The following GPRC6A variants were observed in gnomAD, a reference collection of about 807,000 sequenced individuals.
The protein encoded by GPRC6A is G protein-coupled receptor family C group 6 member A.
A neutral mutation model predicts 47.0 loss-of-function variants in GPRC6A; 54 were observed. The ratio of observed to expected loss-of-function variants is 1.15; its 90% CI spans 0.92 to 1.44. The LOEUF (loss-of-function observed/expected upper bound fraction) is 1.44. Ranked by LOEUF, GPRC6A falls within the 40% of genes most tolerant of loss-of-function variation. The pLI is 0.00. For synonymous variants in GPRC6A, 347 were observed against 377.1 expected (o/e 0.92, Z 0.93); for missense variants, 1,112 against 1,105.5 (o/e 1.01, Z -0.08).
intron 1 of GPRC6A, among the ~76,000 whole-genome samples, chr6:116,820,428 T>G (rs1773423914): frequency 6.6e-6 from 1 of 152,030 alleles, no homozygotes; most frequent in Admixed American, 6.6e-5. Context: ...TAGACCAATA[T>G]CCTTGATGAA....
chr6:116,816,574 C>G (rs918845187), intron 1 of GPRC6A, among the ~76,000 whole-genome samples: 1 of 152,236 alleles, frequency 6.6e-6, no homozygotes, highest in Admixed American at 6.5e-5. Flanking sequence ...CTACAGCTCC[C>G]AGCATGAGCG....
At chr6:116,826,796 C>G (rs895387934) in intron 1 of GPRC6A, among the ~76,000 whole-genome samples, 1 of 151,826 alleles carries the variant, frequency 6.6e-6, no homozygotes, top group African/African-American at 2.4e-5. Flanking sequence ...ATAGAATCAA[C>G]TTGTGTCCAT....
At chr6:116,802,868 A>G (rs1160923954) in intron 3 of GPRC6A, among the ~76,000 whole-genome samples, 1 of 152,128 alleles carries the variant, frequency 6.6e-6, no homozygotes. Context: ...CATATTTTAT[A>G]AAGATTAGAG....
intron 1 of GPRC6A, among the ~76,000 whole-genome samples, chr6:116,819,612 G>A (rs1357626553): frequency 2.0e-5 from 3 of 152,018 alleles, no homozygotes; most frequent in Non-Finnish European, 4.4e-5. Flanking sequence ...ATGACTACTG[G>A]GTACATAATG....
At chr6:116,798,950 A>G (rs1582455662) in intron 4 of GPRC6A, among the ~76,000 whole-genome samples, 1 of 152,082 alleles carries the variant, frequency 6.6e-6, no homozygotes, top group African/African-American at 2.4e-5. Context: ...TTCTACAATA[A>G]TCTGGGTGAG....
chr6:116,792,262 G>T lies in GPRC6A; in HGVS notation c.2661C>A (p.Gly887=), dbSNP rs746501158. Residue 887 remains glycine (G), a synonymous_variant, in exon 6 of 6, where the codon GGC becomes GGA. Coordinates refer to ENST00000310357, the MANE Select transcript of GPRC6A (RefSeq NM_148963.4). ...TGCTTTTCTGCCAGGTTGCAGACTTGCCACTAGAGCTGGGATTGGTCATTG... is the reference window on the plus strand; with the variant it reads ...TGCTTTTCTGCCAGGTTGCAGACTTTCCACTAGAGCTGGGATTGGTCATTG... ...NVTMTNPSSS[G]KSATWQKSKD... 5.0e-6 allele frequency: 8 copies of T among 1,614,014 alleles called. No individual in the cohort carries two copies. Among genetic ancestry groups the T allele is most frequent in the Non-Finnish European group, 6.8e-6 (8 of 1,179,946 alleles).
chr6:116,822,956 T>C (rs1773552785), intron 1 of GPRC6A, among the ~76,000 whole-genome samples: 1 of 151,264 alleles, frequency 6.6e-6, no homozygotes, highest in African/African-American at 2.4e-5. Context: ...TCTGGGCCTG[T>C]GATGGGAGGG....
chr6:116,817,522 A>C (rs1332364378), intron 1 of GPRC6A, among the ~76,000 whole-genome samples: 28 of 152,242 alleles, frequency 1.8e-4, no homozygotes, highest in Admixed American at 1.8e-3. Flanking sequence ...CAGCAACAGA[A>C]CAAAGCTGGA....
chr6:116,824,038 G>C (rs560974606), intron 1 of GPRC6A, among the ~76,000 whole-genome samples: 1 of 152,050 alleles, frequency 6.6e-6, no homozygotes, highest in Non-Finnish European at 1.5e-5. Flanking sequence ...TATGAGATTT[G>C]GGCAAAGACA....
At chr6:116,823,580 A>C (rs1773578973) in intron 1 of GPRC6A, among the ~76,000 whole-genome samples, 1 of 152,098 alleles carries the variant, frequency 6.6e-6, no homozygotes, top group African/African-American at 2.4e-5. Flanking sequence ...GCCATTACCC[A>C]GTTCCAGAGC....
intron 4 of GPRC6A, among the ~76,000 whole-genome samples, chr6:116,800,380 C>CCTCT (rs763028602): frequency 6.9e-6 from 1 of 145,760 alleles, no homozygotes; most frequent in African/African-American, 2.5e-5. Flanking sequence ...TCCCTCCCTC[C>CCTCT]CTCTCTCTCT....
intron 1 of GPRC6A, among the ~76,000 whole-genome samples, chr6:116,818,800 T>C (rs1773345144): frequency 6.7e-6 from 1 of 150,214 alleles, no homozygotes. Context: ...CTGCATCAAC[T>C]AACGAACAAA....
intron 1 of GPRC6A, among the ~76,000 whole-genome samples, chr6:116,813,091 G>T (rs1475850403): frequency 6.6e-6 from 1 of 152,112 alleles, no homozygotes; most frequent in African/African-American, 2.4e-5. Flanking sequence ...ACAAACCACT[G>T]CTCAATGAAA....
At chr6:116,797,843 A>G (rs561553103) in intron 4 of GPRC6A, among the ~76,000 whole-genome samples, 2 of 152,348 alleles carry the variant, frequency 1.3e-5, no homozygotes, top group Non-Finnish European at 2.9e-5. Context: ...AATGGTAAGG[A>G]AAATGAAGAT....
rs542954065 is a variant in GPRC6A, at chr6:116,804,608, T to C, written c.1335+1762A>G. On this transcript the variant is annotated intron_variant, in intron 3 of 5. Transcript: ENST00000310357. ...CTGTTCTTCCTTTCTAATCTGTTTCTGTTTGTTTCTAGATTAACAGGCTCT... is the reference window on the plus strand; with the variant it reads ...CTGTTCTTCCTTTCTAATCTGTTTCCGTTTGTTTCTAGATTAACAGGCTCT... Among the ~76,000 whole-genome samples, 32 of 152,220 alleles carry C rather than the reference T, an allele frequency of 2.1e-4. No homozygotes were observed. In the South Asian group the frequency reaches 6.0e-3, roughly 29 times the overall value.
intron 1 of GPRC6A, among the ~76,000 whole-genome samples, chr6:116,817,515 C>A (rs1379682019): frequency 2.6e-5 from 4 of 152,180 alleles, no homozygotes; most frequent in Non-Finnish European, 4.4e-5. Context: ...TCCTCACCAG[C>A]AACAGAACAA....
intron 1 of GPRC6A, among the ~76,000 whole-genome samples, chr6:116,817,260 C>T (rs369514534): frequency 0.011 from 1,682 of 151,914 alleles, 28 homozygotes; most frequent in Admixed American, 0.04. Flanking sequence ...CTGGGAGGCA[C>T]CCCCCAGCAG....
chr6:116,796,266 G>T (rs1249563907), intron 4 of GPRC6A, among the ~76,000 whole-genome samples: 1 of 150,856 alleles, frequency 6.6e-6, no homozygotes, highest in African/African-American at 2.4e-5. Flanking sequence ...AGCATGTCCT[G>T]TCTAACTCCA....
At position 116,801,959 on chromosome 6, in the gene GPRC6A, C is replaced by G. The variant is rs895695836; in HGVS notation, c.1336-1163G>C. Among the ~76,000 whole-genome samples, 5 of 152,284 alleles carry G rather than the reference C, an allele frequency of 3.3e-5. No individual in the cohort carries two copies. In the South Asian group the frequency reaches 1.0e-3, roughly 32 times the overall value. ...TGCAAGGGCCTACCTCCAATGTTCT[C>G]ACTTCTATCTGTTGACTGGTTTGTT... On this transcript the variant is annotated intron_variant, in intron 3 of 5. Coordinates refer to ENST00000310357, the MANE Select transcript of GPRC6A (RefSeq NM_148963.4).
Sources: allele counts gnomAD v4.1 joint callset (sites outside exome capture counted in the v4.1 genomes callset), GRCh38; gene constraint gnomAD v4.1.1; transcripts MANE v1.5; gene names NCBI Gene and HGNC (gene_info 2026-07-23, HGNC 2026-07-21).